CUTC: variants seen among roughly 807,000 people sequenced by gnomAD.
CUTC encodes the protein copper homeostasis protein cutC homolog.
CUTC carries 27 observed loss-of-function variants against 36.2 expected under a neutral mutation model. That is an observed-to-expected ratio of 0.75 (90% confidence interval 0.55 to 1.03). The LOEUF (loss-of-function observed/expected upper bound fraction) is 1.03, where lower values mean the gene tolerates loss of function less well. Among genes scored for constraint, CUTC ranks in the 50% least tolerant of loss-of-function variants. The pLI is 0.00. For missense variants in CUTC, 315 were observed against 343.5 expected (o/e 0.92, Z 0.66); for synonymous variants, 114 against 118.3 (o/e 0.96, Z 0.24).
At chr10:99,743,456 G>T in intron 4 of CUTC, 94 bp downstream of exon 4, 4 of 1,161,892 alleles carry the variant, frequency 3.4e-6, no homozygotes, top group Non-Finnish European at 5.1e-6. Context: ...TGACTTTGCG[G>T]TCATAGCTAC....
intron 1 of CUTC, among the ~76,000 whole-genome samples, chr10:99,733,263 C>T (rs1439122688): frequency 6.6e-6 from 1 of 151,958 alleles, no homozygotes; most frequent in Admixed American, 6.6e-5. Context: ...AAGCCGAGAT[C>T]GCGCCACTGC....
intron 2 of CUTC, among the ~76,000 whole-genome samples, chr10:99,737,374 G>C (rs2037305370): frequency 6.6e-6 from 1 of 152,052 alleles, no homozygotes; most frequent in Non-Finnish European, 1.5e-5. Context: ...TATTCTAAGT[G>C]AAAGAAACCA....
At position 99,732,264 on chromosome 10, in the gene CUTC, T is replaced by C; in HGVS notation, c.-85T>C. The C allele has an allele frequency of 2.6e-6, 4 of 1,536,012 alleles. No individual in the cohort carries two copies. The highest frequency in any genetic ancestry group is 3.5e-6 in the Non-Finnish European group (4 of 1,139,926). ...GGACGCGCGCACGGGCGCGCGCAGC[T>C]GTTGACGCGCTTCTTAGCTGGTGCG... On this transcript the variant is annotated 5_prime_UTR_variant, in exon 1 of 9. Transcript: ENST00000370476.
At chr10:99,750,423 G>A (rs1371834745) in intron 7 of CUTC, 27 bp downstream of exon 7, 1 of 1,574,126 alleles carries the variant, frequency 6.4e-7, no homozygotes, top group Non-Finnish European at 8.6e-7. Context: ...CAATTCACTA[G>A]CATAACACTG....
At chr10:99,740,072 T>G (rs1352383199) in intron 3 of CUTC, among the ~76,000 whole-genome samples, 3 of 152,230 alleles carry the variant, frequency 2.0e-5, no homozygotes, top group African/African-American at 7.2e-5. Context: ...TGAAATCCCC[T>G]CCTGGTCTTT....
At chr10:99,734,490 GA>G (rs1047118183) in intron 1 of CUTC, among the ~76,000 whole-genome samples, 2 of 151,852 alleles carry the variant, frequency 1.3e-5, no homozygotes, top group Non-Finnish European at 2.9e-5. Context: ...ATATTGGGTA[GA>G]AAAAATAAAG....
chr10:99,745,761 G>T (rs1370067182), intron 5 of CUTC, among the ~76,000 whole-genome samples: 1 of 152,198 alleles, frequency 6.6e-6, no homozygotes, highest in East Asian at 1.9e-4. Context: ...GGAGGCTGAG[G>T]CAGGAGAATC....
chr10:99,737,512 G>A (rs1026900039), intron 2 of CUTC, among the ~76,000 whole-genome samples: 3 of 152,126 alleles, frequency 2.0e-5, no homozygotes, highest in Non-Finnish European at 2.9e-5. Context: ...CTGCTAAAGG[G>A]TGTAGGGTTG....
chr10:99,740,306 C>T (rs1477778523), intron 3 of CUTC, among the ~76,000 whole-genome samples: 1 of 151,938 alleles, frequency 6.6e-6, no homozygotes, highest in Non-Finnish European at 1.5e-5. Context: ...GCCTGAAGTA[C>T]TTTCTTTAAC....
chr10:99,743,987 A>G (rs959557082), intron 4 of CUTC, 50 bp from the exon 5 acceptor site: 2 of 1,490,992 alleles, frequency 1.3e-6, no homozygotes, highest in Non-Finnish European at 1.9e-6. Context: ...ATATATAGTA[A>G]TCAGTGATGA....
chr10:99,754,565 T>A lies in CUTC; in HGVS notation c.638T>A (p.Leu213His). ...GITDRNLQRI[L>H]EGSGATEFHC... ...ACAGACAGAAATCTACAAAGGATCC[T>A]TGAGGGTTCAGGTGCTACAGAATTC... Residue 213 changes from leucine (L) to histidine (H), a missense_variant, in exon 8 of 9, where the codon CTT (leucine) becomes CAT (histidine). By Grantham distance (99) the Leu-to-His change is moderately conservative. Coordinates refer to ENST00000370476, the MANE Select transcript of CUTC (RefSeq NM_015960.3). 6.2e-7 allele frequency: 1 copy of A among 1,613,736 alleles called. No homozygotes were observed. Among genetic ancestry groups the A allele is most frequent in the Non-Finnish European group, 8.5e-7 (1 of 1,179,722 alleles).
rs749980777 is a variant in CUTC at position 99,754,642 on chromosome 10, T to C, written c.707+8T>C. On this transcript the variant is annotated splice_region_variant and intron_variant, in intron 8 of 8. Transcript: ENST00000370476. ...CTCGGGAATGAAGTTTCGGTAAAAA[T>C]GTATTCTTCGATTCAAATAAGAAGG... is the stretch of plus-strand genomic sequence containing the variant. 2 of 1,576,770 alleles carry C rather than the reference T, an allele frequency of 1.3e-6. No homozygotes were observed. Among genetic ancestry groups the C allele is most frequent in the Non-Finnish European group, 1.7e-6 (2 of 1,150,142 alleles).
In CUTC at chr10:99,732,253, G is replaced by GCGCGCGCAGCTGTTGA. The variant is rs1393579062; in HGVS notation, c.-90_-75dup. 2 of 1,529,222 alleles carry GCGCGCGCAGCTGTTGA rather than the reference G, an allele frequency of 1.3e-6. No homozygotes were observed. The highest frequency in any genetic ancestry group is 2.8e-5 in the African/African-American group (2 of 71,880). The allele number at this position is 1,529,222 out of a possible 1,614,324, so 94.7% of individuals were successfully genotyped here. ...GTAGGTGTCGGGGACGCGCGCACGGGCGCGCGCAGCTGTTGACGCGCTTCT... is the reference window on the plus strand; with the variant it reads ...GTAGGTGTCGGGGACGCGCGCACGGGCGCGCGCAGCTGTTGACGCGCGCAGCTGTTGACGCGCTTCT... On this transcript the variant is annotated 5_prime_UTR_variant, in exon 1 of 9. Coordinates refer to ENST00000370476, the MANE Select transcript of CUTC (RefSeq NM_015960.3).
At chr10:99,748,256 A>T (rs921427264) in intron 6 of CUTC, among the ~76,000 whole-genome samples, 1 of 152,190 alleles carries the variant, frequency 6.6e-6, no homozygotes, top group Non-Finnish European at 1.5e-5. Flanking sequence ...TAAAGATGGG[A>T]TGTGTTAGAG....
At chr10:99,740,183 G>T (rs970352235) in intron 3 of CUTC, among the ~76,000 whole-genome samples, 1 of 152,064 alleles carries the variant, frequency 6.6e-6, no homozygotes, top group Non-Finnish European at 1.5e-5. Flanking sequence ...TTAAATAAGA[G>T]ATTTAAATAA....
At chr10:99,755,591 A>T in intron 8 of CUTC, 34 bp from the exon 9 acceptor site, 1 of 1,430,216 alleles carries the variant, frequency 7.0e-7, no homozygotes, top group Non-Finnish European at 9.8e-7. Flanking sequence ...ATTTAATAAC[A>T]TAATTATCTG....
intron 2 of CUTC, among the ~76,000 whole-genome samples, chr10:99,739,291 G>T (rs1316457355): frequency 2.6e-5 from 4 of 151,988 alleles, no homozygotes; most frequent in Non-Finnish European, 2.9e-5. Context: ...AAATTATCTT[G>T]GTTTAGCTAC....
chr10:99,733,112 C>T (rs1424207538), intron 1 of CUTC, among the ~76,000 whole-genome samples: 4 of 152,070 alleles, frequency 2.6e-5, no homozygotes, highest in African/African-American at 9.7e-5. Context: ...AGTTCGAGAC[C>T]AGCCTGGCCA....
Position 99,732,339 on chromosome 10 carries a change from C to G in CUTC, c.-10C>G, listed in dbSNP as rs376879101. 2.6e-6 allele frequency: 4 copies of G among 1,552,044 alleles called. No homozygotes were observed. The highest frequency in any genetic ancestry group is 3.5e-6 in the Non-Finnish European group (4 of 1,147,464). On this transcript the variant is annotated 5_prime_UTR_variant, in exon 1 of 9. Coordinates refer to ENST00000370476, the MANE Select transcript of CUTC (RefSeq NM_015960.3). ...AAACTGCAGGCGCACGAGGGAGGAA[C>G]GCGTGGAGCATGAAAAGGCAGGGGG...
Sources: allele counts gnomAD v4.1 joint callset (sites outside exome capture counted in the v4.1 genomes callset), GRCh38; gene constraint gnomAD v4.1.1; transcripts MANE v1.5; gene names NCBI Gene and HGNC (gene_info 2026-07-23, HGNC 2026-07-21).